The following MARF1 variants were observed in gnomAD, a reference collection of about 807,000 sequenced individuals.
The protein encoded by MARF1 is limkain-b1.
In MARF1, 24 loss-of-function variants were observed where a neutral mutation model predicts 168.2. That is an observed-to-expected ratio of 0.14 (90% CI 0.10 to 0.20). MARF1 has a LOEUF of 0.20. Ranked by LOEUF, MARF1 falls within the 10% of genes least tolerant of loss-of-function variation. The pLI is 1.00. For missense variants in MARF1, 1,744 were observed against 2,143.6 expected (o/e 0.81, Z 3.68); for synonymous variants, 868 against 822.4 (o/e 1.06, Z -0.95).
chr16:15,633,419 A>G (rs2035379729), intron 5 of MARF1, among the ~76,000 whole-genome samples, 198 bp downstream of exon 5: 1 of 152,096 alleles, frequency 6.6e-6, no homozygotes, highest in African/African-American at 2.4e-5. Context: ...GATGGCGTGC[A>G]TCTGTGATCC....
rs770219911 is a variant in MARF1 at position 15,625,502 on chromosome 16, A to C, written c.1823T>G (p.Leu608Arg). The C allele has an allele frequency of 9.3e-6, 15 of 1,614,192 alleles. No homozygotes were observed. Among genetic ancestry groups the C allele is most frequent in the African/African-American group, 4.0e-5 (3 of 75,040 alleles). ...GATGAGGCACAATTTTGGATTCTTAAGTTTTTTGGGAGACTTCACTTTATC... is the reference window on the plus strand; with the variant it reads ...GATGAGGCACAATTTTGGATTCTTACGTTTTTTGGGAGACTTCACTTTATC... ...IADKVKSPKKLKNPKLCLIKD... is the reference protein window; with the variant it reads ...IADKVKSPKKRKNPKLCLIKD... Residue 608 changes from leucine (L) to arginine (R), a missense_variant, in exon 8 of 27, where the codon CTT becomes CGT. By Grantham distance (102) the Leu-to-Arg change is moderately radical. This residue lies in a region of MARF1 where 270 missense variants were observed against 260.6 expected (regional missense o/e 1.04). Coordinates refer to ENST00000396368, the MANE Select transcript of MARF1 (RefSeq NM_014647.4).
chr16:15,617,027 C>G (rs780559102), intron 15 of MARF1, 25 bp downstream of exon 15: 1 of 1,598,304 alleles, frequency 6.3e-7, no homozygotes, highest in Non-Finnish European at 8.5e-7. Flanking sequence ...GGCATTATAT[C>G]GACAAAGGCT....
chr16:15,608,657 T>G (rs1433771765), intron 20 of MARF1, 139 bp from the exon 21 acceptor site: 3 of 635,288 alleles, frequency 4.7e-6, no homozygotes, highest in Non-Finnish European at 8.2e-6. Flanking sequence ...TTGTGTAAGA[T>G]GAAAAAGTTC....
chr16:15,608,253 CAT>C, intron 21 of MARF1, 36 bp downstream of exon 21: 1 of 1,321,032 alleles, frequency 7.6e-7, no homozygotes, highest in African/African-American at 1.6e-5. Flanking sequence ...AGTTTTATCC[CAT>C]GAGGGAAAAA....
Position 15,612,687 on chromosome 16 carries a change from G to A in MARF1, c.3344C>T (p.Pro1115Leu). ...ATGACTGATGGGTATGACACAAGAT[G>A]GCTGGCTTTTCAGCAAGTCAATCAC... ...REVIDLLKSQPSCVIPISHFI... is the reference protein window; with the variant it reads ...REVIDLLKSQLSCVIPISHFI... Residue 1115 changes from proline (P) to leucine (L), a missense_variant, in exon 17 of 27, where the codon CCA becomes CTA. Around this residue, in one of 7 missense-constraint regions of MARF1, gnomAD observed 543 missense variants for 742.1 expected, o/e 0.73. Coordinates refer to ENST00000396368, the MANE Select transcript of MARF1 (RefSeq NM_014647.4). 1.9e-6 allele frequency: 3 copies of A among 1,614,182 alleles called. No homozygotes were observed. Among genetic ancestry groups the A allele is most frequent in the South Asian group, 1.1e-5 (1 of 91,088 alleles).
intron 16 of MARF1, among the ~76,000 whole-genome samples, chr16:15,613,903 G>C (rs1454311552): frequency 6.6e-6 from 1 of 152,094 alleles, no homozygotes; most frequent in South Asian, 2.1e-4. Flanking sequence ...TAGGGTAAGG[G>C]AGGTGGGAGA....
At chr16:15,600,312 T>C (rs923357481) in intron 25 of MARF1, 116 bp downstream of exon 25, 28 of 1,356,502 alleles carry the variant, frequency 2.1e-5, no homozygotes, top group Middle Eastern at 2.6e-4. Flanking sequence ...TGTGTGGCTA[T>C]GTAACTTCAG....
chr16:15,611,163 A>T, intron 18 of MARF1, 55 bp from the exon 19 acceptor site: 15 of 1,579,524 alleles, frequency 9.5e-6, no homozygotes, highest in Non-Finnish European at 1.2e-5. Context: ...CGGTAGAAGA[A>T]CTACAAGTTT....
At chr16:15,632,333 T>C (rs1387314491) in intron 5 of MARF1, among the ~76,000 whole-genome samples, 2 of 152,234 alleles carry the variant, frequency 1.3e-5, no homozygotes, top group East Asian at 1.9e-4. Context: ...ATGCTACCCA[T>C]GCAAGCTTGT....
In MARF1 at chr16:15,600,546, C is replaced by T. The variant is rs780213954; in HGVS notation, c.4695G>A (p.Leu1565=). The T allele has an allele frequency of 1.1e-5, 17 of 1,614,106 alleles. 1 individual carries two copies. The South Asian group carries it at 1.9e-4, about 18-fold the overall frequency. The part of the protein sequence containing the change: ...VVLKNDMKSR[L]SSLSLSPANH... Reference sequence around the variant, plus strand: ...TGGCAGGGGAGAGACTGAGTGAACTCAAACGACCTACAGGACAAAGAGCAC... The same window carrying T: ...TGGCAGGGGAGAGACTGAGTGAACTTAAACGACCTACAGGACAAAGAGCAC... Residue 1565 remains leucine (L), a synonymous_variant, in exon 25 of 27, where the codon TTG becomes TTA. Coordinates refer to ENST00000396368, the MANE Select transcript of MARF1 (RefSeq NM_014647.4).
At chr16:15,608,572 A>G (rs1256977602) in intron 20 of MARF1, 54 bp from the exon 21 acceptor site, 1 of 1,308,602 alleles carries the variant, frequency 7.6e-7, no homozygotes. Context: ...ACGGGTGTTT[A>G]CAGAATAGCA....
intron 15 of MARF1, 79 bp downstream of exon 15, chr16:15,616,973 G>C (rs890886869): frequency 4.0e-6 from 6 of 1,502,508 alleles, no homozygotes; most frequent in Admixed American, 2.1e-5. Flanking sequence ...TTTGTAAAGA[G>C]ATGTGGGCAG....
chr16:15,626,964 A>G (rs1173967787), intron 7 of MARF1, among the ~76,000 whole-genome samples: 1 of 150,820 alleles, frequency 6.6e-6, no homozygotes, highest in African/African-American at 2.4e-5. Context: ...ATTCTGTGAA[A>G]AAAAAAAAAA....
chr16:15,642,656 C>A (rs1404301337), intron 1 of MARF1, among the ~76,000 whole-genome samples: 1 of 152,082 alleles, frequency 6.6e-6, no homozygotes, highest in African/African-American at 2.4e-5. Context: ...GCAAAACGGC[C>A]GGGGAGGGGG....
At position 15,596,719 on chromosome 16, in the gene MARF1, A is replaced by C. The variant is rs772525829; in HGVS notation, c.5203T>G (p.Ser1735Ala). Residue 1735 changes from serine (S) to alanine (A), a missense_variant, in exon 27 of 27, where the codon TCC (serine) becomes GCC (alanine). Around this residue, in one of 7 missense-constraint regions of MARF1, gnomAD observed 313 missense variants for 337.4 expected, o/e 0.93. Coordinates refer to ENST00000396368, the MANE Select transcript of MARF1 (RefSeq NM_014647.4). ...KNRVKLAANF[S>A]LAPITKL ...TAAAGCTTGGTTATAGGTGCTAAGG[A>C]AAAGTTGGCTGCCAATTTGACTCTA... is the stretch of plus-strand genomic sequence containing the variant. 6.2e-7 allele frequency: 1 copy of C among 1,606,416 alleles called. No individual in the cohort carries two copies. The highest frequency in any genetic ancestry group is 1.1e-5 in the South Asian group (1 of 90,758).
At chr16:15,609,889 A>C (rs1035358281) in intron 19 of MARF1, among the ~76,000 whole-genome samples, 164 bp from the exon 20 acceptor site, 1 of 152,190 alleles carries the variant, frequency 6.6e-6, no homozygotes, top group Non-Finnish European at 1.5e-5. Flanking sequence ...CCTCTTTGCA[A>C]GTGGTTCTCA....
intron 1 of MARF1, among the ~76,000 whole-genome samples, chr16:15,639,810 C>T (rs976126318): frequency 6.6e-6 from 1 of 152,166 alleles, no homozygotes; most frequent in Non-Finnish European, 1.5e-5. Context: ...ACTTGGTTGA[C>T]TGTTTATGCT....
intron 23 of MARF1, chr16:15,601,380 C>T (rs770539486): frequency 7.1e-6 from 2 of 282,336 alleles, no homozygotes; most frequent in Non-Finnish European, 1.4e-5. Flanking sequence ...CTCGGCTCTA[C>T]CATGGACAGC....
In MARF1 at chr16:15,608,342, A is replaced by G. The variant is rs780014976; in HGVS notation, c.4131T>C (p.Tyr1377=). 7 of 1,613,860 alleles carry G rather than the reference A, an allele frequency of 4.3e-6. No homozygotes were observed. In the East Asian group the frequency reaches 1.6e-4, roughly 36 times the overall value. The change falls in exon 21 of 27, where the codon TAT becomes TAC. Residue 1377 remains tyrosine, a synonymous_variant. Transcript: ENST00000396368. ...TFGYTFRLQD[Y]DVSSISALTQ... ...TTAAAGCCGAAATGGAACTGACATC[A>G]TAGTCTTGGAGACGAAATGTATAAC...
Sources: allele counts gnomAD v4.1 joint callset (sites outside exome capture counted in the v4.1 genomes callset), GRCh38; gene constraint gnomAD v4.1.1; regional missense constraint gnomAD v4.1.1; transcripts MANE v1.5; gene names NCBI Gene and HGNC (gene_info 2026-07-23, HGNC 2026-07-21).